The following RALYL variants were observed in gnomAD, a reference collection of about 807,000 sequenced individuals.
RALYL encodes RNA-binding Raly-like protein.
Under a neutral mutation model 35.1 loss-of-function variants are expected in RALYL, and 29 were observed. That is an observed-to-expected ratio of 0.83 (90% CI 0.61 to 1.13). The LOEUF (loss-of-function observed/expected upper bound fraction) is 1.13. RALYL is among the 50% of genes most tolerant of loss of function. RALYL has a pLI of 0.00. For missense variants in RALYL, 359 were observed against 360.4 expected (o/e 1.00, Z 0.03); for synonymous variants, 120 against 127.6 (o/e 0.94, Z 0.40).
intron 2 of RALYL, among the ~76,000 whole-genome samples, chr8:84,653,757 A>G (rs1265742183): frequency 1.3e-5 from 2 of 151,994 alleles, no homozygotes; most frequent in Non-Finnish European, 2.9e-5. Flanking sequence ...ACATACCTCC[A>G]TAAAACAGAC....
chr8:84,662,812 TTTTA>T (rs1285028737), intron 2 of RALYL, among the ~76,000 whole-genome samples: 1 of 152,254 alleles, frequency 6.6e-6, no homozygotes, highest in African/African-American at 2.4e-5. Context: ...CATATATAAT[TTTTA>T]TTTATTTACT....
At chr8:84,256,648 A>C (rs936022310) in intron 1 of RALYL, among the ~76,000 whole-genome samples, 4 of 152,090 alleles carry the variant, frequency 2.6e-5, no homozygotes, top group Non-Finnish European at 5.9e-5. Flanking sequence ...TTATTTATTG[A>C]CTTTGTAACT....
intron 1 of RALYL, chr8:84,185,099 G>GT (rs891662982): frequency 4.8e-6 from 7 of 1,461,492 alleles, no homozygotes; most frequent in Non-Finnish European, 6.7e-6. Context: ...TTTCCCTGTT[G>GT]TGTTGCGTTG....
chr8:84,794,897 C>T (rs1821568035), intron 3 of RALYL, among the ~76,000 whole-genome samples: 1 of 152,202 alleles, frequency 6.6e-6, no homozygotes, highest in Non-Finnish European at 1.5e-5. Context: ...AGCCCTGCAG[C>T]CTTAATTTCC....
intron 8 of RALYL, among the ~76,000 whole-genome samples, chr8:84,902,391 T>A (rs1352363847): frequency 6.6e-6 from 1 of 152,060 alleles, no homozygotes; most frequent in Non-Finnish European, 1.5e-5. Context: ...TGAGAAATCC[T>A]CCCTCATGAT....
chr8:84,266,917 G>A (rs1216557022), intron 1 of RALYL, among the ~76,000 whole-genome samples: 2 of 138,942 alleles, frequency 1.4e-5, no homozygotes, highest in Admixed American at 8.0e-5. Context: ...CCGAGATCGC[G>A]CCACTGCACT....
intron 1 of RALYL, among the ~76,000 whole-genome samples, chr8:84,267,666 C>G (rs1407645003): frequency 6.6e-6 from 1 of 152,184 alleles, no homozygotes; most frequent in Non-Finnish European, 1.5e-5. Context: ...GAAAGCCACA[C>G]CCTTTCAGCA....
At chr8:84,813,102 C>T (rs573965811) in intron 4 of RALYL, among the ~76,000 whole-genome samples, 4 of 152,218 alleles carry the variant, frequency 2.6e-5, no homozygotes, top group Non-Finnish European at 5.9e-5. Flanking sequence ...ACTGCTTCCT[C>T]TATCCCTGTA....
chr8:84,438,666 A>G (rs1320449993), intron 1 of RALYL, among the ~76,000 whole-genome samples: 2 of 152,130 alleles, frequency 1.3e-5, no homozygotes, highest in African/African-American at 4.8e-5. Flanking sequence ...TACTGGGATT[A>G]AAGGCATGAG....
chr8:84,735,841 A>AGAGAGAGAGAGAGAGAGAGAGC (rs1180314583), intron 2 of RALYL, among the ~76,000 whole-genome samples: 1 of 150,416 alleles, frequency 6.6e-6, no homozygotes, highest in African/African-American at 2.5e-5. Context: ...AGAGAGAGAG[A>AGAGAGAGAGAGAGAGAGAGAGC]GAGAGAGAAC....
chr8:84,356,374 A>G (rs572951289), intron 1 of RALYL, among the ~76,000 whole-genome samples: 6 of 150,512 alleles, frequency 4.0e-5, no homozygotes, highest in African/African-American at 1.5e-4. Flanking sequence ...TCTTTCACAT[A>G]TCAAGAAGAT....
intron 4 of RALYL, among the ~76,000 whole-genome samples, chr8:84,836,629 G>T (rs75233894): frequency 6.6e-6 from 1 of 152,286 alleles, no homozygotes; most frequent in East Asian, 1.9e-4. Context: ...GAAATGAACA[G>T]ATTTTTGTTC....
intron 1 of RALYL, among the ~76,000 whole-genome samples, chr8:84,246,039 A>T (rs552631507): frequency 1.2e-4 from 18 of 152,258 alleles, no homozygotes; most frequent in African/African-American, 3.9e-4. Context: ...GGAAGATGGT[A>T]AAATGGTAGC....
At chr8:84,444,696 G>A (rs2048684177) in intron 1 of RALYL, among the ~76,000 whole-genome samples, 1 of 152,066 alleles carries the variant, frequency 6.6e-6, no homozygotes, top group Non-Finnish European at 1.5e-5. Flanking sequence ...GCCAATAATA[G>A]GAGACAAGCG....
intron 2 of RALYL, among the ~76,000 whole-genome samples, chr8:84,617,715 T>C (rs1450330330): frequency 2.6e-5 from 4 of 151,172 alleles, no homozygotes; most frequent in African/African-American, 2.5e-5. Flanking sequence ...TTCAGTATGA[T>C]ATTGGCTGTG....
intron 4 of RALYL, among the ~76,000 whole-genome samples, chr8:84,818,886 CAGTT>C (rs751086832): frequency 6.6e-6 from 1 of 152,138 alleles, no homozygotes; most frequent in Non-Finnish European, 1.5e-5. Flanking sequence ...AAAGTTTTCT[CAGTT>C]AGACTTGATG....
chr8:84,222,445 G>A (rs1822474396), intron 1 of RALYL, among the ~76,000 whole-genome samples: 1 of 152,112 alleles, frequency 6.6e-6, no homozygotes, highest in East Asian at 1.9e-4. Context: ...AATGGTGGAT[G>A]CCATAACAGA....
At chr8:84,320,364 GTA>G (rs1203913622) in intron 1 of RALYL, among the ~76,000 whole-genome samples, 4 of 151,004 alleles carry the variant, frequency 2.6e-5, no homozygotes, top group Non-Finnish European at 4.4e-5. Flanking sequence ...ATATATATAT[GTA>G]TATCTTTCTC....
intron 1 of RALYL, among the ~76,000 whole-genome samples, chr8:84,281,878 C>G (rs1836646881): frequency 6.6e-6 from 1 of 152,030 alleles, no homozygotes; most frequent in African/African-American, 2.4e-5. Flanking sequence ...AATGACTCCC[C>G]ATTTCATTTT....
Sources: gnomAD v4.1 joint callset for allele counts (sites outside exome capture counted in the v4.1 genomes callset) on GRCh38, gnomAD v4.1.1 for gene constraint, MANE v1.5 for transcripts, NCBI Gene and HGNC (gene_info 2026-07-23, HGNC 2026-07-21) for gene names.